CHAF1A: variants seen among roughly 807,000 people sequenced by gnomAD.
The protein encoded by CHAF1A is CAF-1 subunit A.
CHAF1A carries 5 observed loss-of-function variants against 93.2 expected under a neutral mutation model. The ratio of observed to expected loss-of-function variants is 0.05; its 90% CI spans 0.03 to 0.11. The LOEUF is 0.11. CHAF1A is among the 10% of genes least tolerant of loss of function. The pLI, the probability that CHAF1A is intolerant of heterozygous loss-of-function variation, is 1.00. For missense variants in CHAF1A, 1,102 were observed against 1,259.9 expected (o/e 0.87, Z 1.90); for synonymous variants, 504 against 510.3 (o/e 0.99, Z 0.17).
intron 14 of CHAF1A, among the ~76,000 whole-genome samples, chr19:4,442,562 T>C (rs1229142089): frequency 6.6e-6 from 1 of 152,192 alleles, no homozygotes; most frequent in African/African-American, 2.4e-5. Context: ...CAAGGGCCTA[T>C]GCTGGGAGTC....
chr19:4,448,377 C>A (rs777310844), downstream of CHAF1A: 1 of 1,609,268 alleles, frequency 6.2e-7, no homozygotes, highest in Non-Finnish European at 8.5e-7. Flanking sequence ...ACGTGTAGAT[C>A]TTCATGATGG....
chr19:4,402,877 C>A, intron 1 of CHAF1A, 63 bp downstream of exon 1: 1 of 1,051,070 alleles, frequency 9.5e-7, no homozygotes, highest in Non-Finnish European at 1.2e-6. Context: ...CGGGCCGAGG[C>A]GGCGATGGGA....
chr19:4,427,611 G>A (rs1369412492), intron 7 of CHAF1A, among the ~76,000 whole-genome samples: 1 of 151,046 alleles, frequency 6.6e-6, no homozygotes, highest in East Asian at 1.9e-4. Context: ...TTTTTGAGAT[G>A]GAGTCTTGCT....
intron 1 of CHAF1A, among the ~76,000 whole-genome samples, chr19:4,404,807 A>G (rs1179272217): frequency 7.5e-6 from 1 of 132,964 alleles, no homozygotes; most frequent in Non-Finnish European, 1.6e-5. Flanking sequence ...ACTCGCTTCT[A>G]TTTATGATCA....
chr19:4,434,366 G>T (rs890267516), intron 13 of CHAF1A, among the ~76,000 whole-genome samples: 3 of 152,082 alleles, frequency 2.0e-5, no homozygotes, highest in Non-Finnish European at 2.9e-5. Context: ...TACATAAAAC[G>T]CACCTTCGTT....
In CHAF1A at chr19:4,433,071, C is replaced by T. The variant is rs1227055109; in HGVS notation, c.2205C>T (p.Ile735=). 1 of 1,562,038 alleles carries T rather than the reference C, an allele frequency of 6.4e-7. No individual in the cohort carries two copies. The change falls in exon 13 of 15, where the codon ATC becomes ATT. Residue 735 remains isoleucine (I), a splice_region_variant and synonymous_variant. Transcript: ENST00000301280. The surrounding 1 kb of genome is among the most constrained non-coding windows in gnomAD (Gnocchi z 5.6). ...CCCACCCATGTTCCCTCCTGCCAGTCCTGGCCCAGCTGCTGCCGCTCCTGC... is the reference window on the plus strand; with the variant it reads ...CCCACCCATGTTCCCTCCTGCCAGTTCTGGCCCAGCTGCTGCCGCTCCTGC... ...ASKRERRDEQ[I]LAQLLPLLHG... is the part of the protein sequence containing the mutation.
chr19:4,446,110 A>T, downstream of CHAF1A: 1 of 1,612,648 alleles, frequency 6.2e-7, no homozygotes, highest in Non-Finnish European at 8.5e-7. Flanking sequence ...TCCCGAGGCC[A>T]GCAGCTCAAA....
chr19:4,429,259 C>A (rs1974138155), intron 8 of CHAF1A, 179 bp from the exon 9 acceptor site: 3 of 708,550 alleles, frequency 4.2e-6, no homozygotes, highest in Non-Finnish European at 7.0e-6. Context: ...GCTGCACCCT[C>A]CTCCATCTGT....
chr19:4,414,234 GTACAAAAAA>G (rs1018584122), intron 3 of CHAF1A, among the ~76,000 whole-genome samples: 4 of 151,934 alleles, frequency 2.6e-5, no homozygotes, highest in South Asian at 2.1e-4. Flanking sequence ...AACTCCGTCT[GTACAAAAAA>G]TACAAAAAAT....
At chr19:4,435,787 A>G (rs1974273334) in intron 13 of CHAF1A, among the ~76,000 whole-genome samples, 2 of 152,204 alleles carry the variant, frequency 1.3e-5, no homozygotes, top group Admixed American at 1.3e-4. Flanking sequence ...GACTTGGGAC[A>G]AGGAGCAAGA....
Position 4,427,839 on chromosome 19 carries a change from C to A in CHAF1A, c.1378-825C>A, listed in dbSNP as rs371471820. Among the ~76,000 whole-genome samples the A allele has an allele frequency of 1.6e-4, 24 of 152,320 alleles. No homozygotes were observed. In the East Asian group the frequency reaches 3.5e-3, roughly 22 times the overall value. On this transcript the variant is annotated intron_variant, in intron 7 of 14. Coordinates refer to ENST00000301280, the MANE Select transcript of CHAF1A (RefSeq NM_005483.3). ...CTGAGCTCAGACAATCCACCCGCCT[C>A]GGCCTCCCAAAGCGCTACAATTACA...
chr19:4,446,681 A>G (rs781601968), downstream of CHAF1A: 4 of 1,611,558 alleles, frequency 2.5e-6, no homozygotes, highest in African/African-American at 4.0e-5. Flanking sequence ...GGCTGGGCCA[A>G]GGTGGTCTCG....
chr19:4,440,021 G>A (rs925754195), intron 13 of CHAF1A, among the ~76,000 whole-genome samples: 10 of 152,152 alleles, frequency 6.6e-5, no homozygotes, highest in Non-Finnish European at 1.2e-4. Flanking sequence ...ATGAGGCTAC[G>A]GTAGGAACCC....
chr19:4,426,957 T>C (rs550043351), intron 7 of CHAF1A, among the ~76,000 whole-genome samples: 56 of 150,724 alleles, frequency 3.7e-4, no homozygotes, highest in African/African-American at 1.2e-3. Context: ...CCGGGCGTGG[T>C]GGTAGGCGTC....
intron 13 of CHAF1A, among the ~76,000 whole-genome samples, chr19:4,440,665 A>C (rs750819456): frequency 3.3e-5 from 5 of 152,012 alleles, no homozygotes; most frequent in Middle Eastern, 3.2e-3. Flanking sequence ...GGGTGGGGCT[A>C]GGTTGCTCTT....
At chr19:4,425,314 T>C (rs760830044) in intron 7 of CHAF1A, among the ~76,000 whole-genome samples, 7 of 152,134 alleles carry the variant, frequency 4.6e-5, no homozygotes, top group Non-Finnish European at 1.5e-5. Flanking sequence ...GCAGTGGCGC[T>C]ATCTCTCGGC....
At chr19:4,432,902 C>T (rs981701210) in intron 12 of CHAF1A, among the ~76,000 whole-genome samples, 168 bp from the exon 13 acceptor site, 2 of 152,096 alleles carry the variant, frequency 1.3e-5, no homozygotes, top group African/African-American at 4.8e-5. Context: ...TGGGCAGGTG[C>T]GTAGGTGCTA....
chr19:4,407,131 A>G (rs1973695134), intron 2 of CHAF1A, among the ~76,000 whole-genome samples: 1 of 151,376 alleles, frequency 6.6e-6, no homozygotes, highest in Non-Finnish European at 1.5e-5. Flanking sequence ...AGGCAAGAGA[A>G]TTGTTTGAAC....
intron 13 of CHAF1A, among the ~76,000 whole-genome samples, chr19:4,438,267 G>A (rs910372054): frequency 2.0e-5 from 3 of 152,172 alleles, no homozygotes; most frequent in Non-Finnish European, 2.9e-5. Flanking sequence ...ATAAGTGAGA[G>A]CATGTGATAT....
Sources: allele counts gnomAD v4.1 joint callset (sites outside exome capture counted in the v4.1 genomes callset), GRCh38; gene constraint gnomAD v4.1.1; non-coding constraint Gnocchi (gnomAD v3.1); transcripts MANE v1.5; gene names NCBI Gene and HGNC (gene_info 2026-07-23, HGNC 2026-07-21).